The following SGPP1 variants were observed in gnomAD, a reference collection of about 807,000 sequenced individuals.
SGPP1 encodes the protein hSPP1.
Under a neutral mutation model 33.0 loss-of-function variants are expected in SGPP1, and 21 were observed. That is an observed-to-expected ratio of 0.64 (90% CI 0.45 to 0.92). The LOEUF is 0.92. Ranked by LOEUF, SGPP1 falls within the 40% of genes least tolerant of loss-of-function variation. The pLI, the probability that SGPP1 is intolerant of heterozygous loss-of-function variation, is 0.00. For synonymous variants in SGPP1, 239 were observed against 241.2 expected (o/e 0.99, Z 0.08); for missense variants, 543 against 589.4 (o/e 0.92, Z 0.81).
At chr14:63,691,705 G>C (rs945192345) in intron 2 of SGPP1, among the ~76,000 whole-genome samples, 3 of 152,116 alleles carry the variant, frequency 2.0e-5, no homozygotes, top group African/African-American at 4.8e-5. Flanking sequence ...AGTGGGGGTA[G>C]GGCATCAGTA....
At chr14:63,688,967 C>T (rs187551440) in intron 2 of SGPP1, among the ~76,000 whole-genome samples, 83 of 152,204 alleles carry the variant, frequency 5.5e-4, no homozygotes, top group East Asian at 1.9e-4. Context: ...GTGATCCTCC[C>T]GCCTCAGTCT....
intron 2 of SGPP1, among the ~76,000 whole-genome samples, chr14:63,693,248 A>T (rs1885122326): frequency 6.6e-6 from 1 of 152,236 alleles, no homozygotes. Context: ...TTCATATTTC[A>T]GAGCCCAAAT....
chr14:63,715,162 T>C (rs1885597479), intron 1 of SGPP1, among the ~76,000 whole-genome samples: 1 of 151,634 alleles, frequency 6.6e-6, no homozygotes, highest in Non-Finnish European at 1.5e-5. Flanking sequence ...TACAGGCGCC[T>C]GCCACCACGC....
chr14:63,691,867 ATAAG>A (rs1360589790), intron 2 of SGPP1, among the ~76,000 whole-genome samples: 1 of 152,222 alleles, frequency 6.6e-6, no homozygotes, highest in Non-Finnish European at 1.5e-5. Flanking sequence ...TGCATGAAAA[ATAAG>A]TAAGCAGGAA....
chr14:63,693,639 G>A (rs557044761), intron 2 of SGPP1, among the ~76,000 whole-genome samples: 1 of 151,976 alleles, frequency 6.6e-6, no homozygotes, highest in Non-Finnish European at 1.5e-5. Context: ...TTTTAGATAG[G>A]ATCTTGCTCT....
intron 1 of SGPP1, among the ~76,000 whole-genome samples, chr14:63,709,165 A>T (rs1885474653): frequency 6.6e-6 from 1 of 152,210 alleles, no homozygotes; most frequent in African/African-American, 2.4e-5. Context: ...ACCTGAGGTC[A>T]GGAGTTCGTG....
At position 63,688,315 on chromosome 14, in the gene SGPP1, C is replaced by CAA. The variant is rs71120275; in HGVS notation, c.775-1661_775-1660dup. Among the ~76,000 whole-genome samples, 127 of 31,310 alleles carry CAA rather than the reference C, an allele frequency of 4.1e-3. 2 individuals are homozygous for CAA. Among genetic ancestry groups the CAA allele is most frequent in the East Asian group, 7.4e-3 (7 of 946 alleles). 20.5% of individuals were successfully genotyped at this position (31,310 alleles called of 152,430 possible). A position where few individuals can be genotyped will look rare whatever the true frequency, so the allele number is the denominator to read the frequency against. On this transcript the variant is annotated intron_variant, in intron 2 of 2. Transcript: ENST00000247225. ...TGGGTGACAGAGCAAGACTCTGTCT[C>CAA]AAAAAAAAAAAAAAAAAAAAAAAAA...
intron 2 of SGPP1, among the ~76,000 whole-genome samples, chr14:63,690,167 G>C (rs1001191457): frequency 5.9e-5 from 9 of 152,266 alleles, no homozygotes; most frequent in Non-Finnish European, 1.3e-4. Context: ...AGCCTCCTGA[G>C]TAACTGGGAC....
intron 1 of SGPP1, among the ~76,000 whole-genome samples, chr14:63,699,226 G>T (rs759107810): frequency 6.6e-6 from 1 of 152,236 alleles, no homozygotes; most frequent in South Asian, 2.1e-4. Flanking sequence ...AAAAATTTCC[G>T]TGGAATACTA....
intron 1 of SGPP1, among the ~76,000 whole-genome samples, chr14:63,710,455 A>T (rs1566822854): frequency 6.6e-6 from 1 of 152,236 alleles, no homozygotes; most frequent in Admixed American, 6.5e-5. Context: ...GGAACTCCAA[A>T]CATGTAAATA....
At chr14:63,717,528 T>C (rs1272880516) in intron 1 of SGPP1, among the ~76,000 whole-genome samples, 1 of 152,106 alleles carries the variant, frequency 6.6e-6, no homozygotes, top group East Asian at 1.9e-4. Context: ...TTCACCATGT[T>C]AGCCAGAATG....
chr14:63,727,074 G>A (rs984773372), intron 1 of SGPP1, among the ~76,000 whole-genome samples, 187 bp downstream of exon 1: 4 of 152,212 alleles, frequency 2.6e-5, no homozygotes, highest in Non-Finnish European at 5.9e-5. Flanking sequence ...CAACGGCTAA[G>A]TATCCAGTTT....
At chr14:63,719,733 C>CTATA (rs1566537145) in intron 1 of SGPP1, among the ~76,000 whole-genome samples, 1 of 134,192 alleles carries the variant, frequency 7.5e-6, no homozygotes, top group African/African-American at 3.3e-5. Context: ...CTCCCTCTCT[C>CTATA]TCTCTATATA....
chr14:63,722,104 C>A lies in SGPP1; in HGVS notation c.684+5157G>T, dbSNP rs1372955462. 6.6e-5 allele frequency among the ~76,000 whole-genome samples: 10 copies of A among 152,186 alleles called. 1 individual carries two copies. Among genetic ancestry groups the A allele is most frequent in the Admixed American group, 5.2e-4 (8 of 15,262 alleles). The stretch of plus-strand genomic sequence containing the variant: ...ACTTTGCTTAAGTTACATAATATAA[C>A]CTCCCTGTACCTCAGTTTCCTCATC... On this transcript the variant is annotated intron_variant, in intron 1 of 2. Coordinates refer to ENST00000247225, the MANE Select transcript of SGPP1 (RefSeq NM_030791.4).
chr14:63,705,218 G>C (rs1885384069), intron 1 of SGPP1, among the ~76,000 whole-genome samples: 1 of 148,430 alleles, frequency 6.7e-6, no homozygotes, highest in Non-Finnish European at 1.5e-5. Flanking sequence ...ATGGGAGAAA[G>C]TATTTGCAAA....
chr14:63,727,267 G>C lies in SGPP1; in HGVS notation c.678C>G (p.Arg226=), dbSNP rs749004503. The C allele has an allele frequency of 6.2e-7, 1 of 1,608,104 alleles. No individual in the cohort carries two copies. Among genetic ancestry groups the C allele is most frequent in the Non-Finnish European group, 8.5e-7 (1 of 1,175,978 alleles). ...PISMVLLTYG[R]WQYPLIYGLI... is the part of the protein sequence containing the mutation. ...GGACGAGAAGGAACCCTACCTGCCA[G>C]CGGCCATAGGTGAGGAGGACCATAG... Residue 226 remains arginine (R), a synonymous_variant, in exon 1 of 3, where the codon CGC becomes CGG. Coordinates refer to ENST00000247225, the MANE Select transcript of SGPP1 (RefSeq NM_030791.4).
At chr14:63,688,242 G>A (rs748569324) in intron 2 of SGPP1, among the ~76,000 whole-genome samples, 1 of 150,704 alleles carries the variant, frequency 6.6e-6, no homozygotes, top group Non-Finnish European at 1.5e-5. Context: ...CCTGAACCCG[G>A]GAGGCCGAGG....
At chr14:63,696,650 AAAT>A (rs1199150862) in intron 2 of SGPP1, among the ~76,000 whole-genome samples, 3 of 152,334 alleles carry the variant, frequency 2.0e-5, no homozygotes, top group Middle Eastern at 3.4e-3. Context: ...TATTAAATAC[AAAT>A]AATTATAAAA....
chr14:63,725,871 T>C (rs981620419), intron 1 of SGPP1, among the ~76,000 whole-genome samples: 18 of 152,198 alleles, frequency 1.2e-4, no homozygotes, highest in Admixed American at 3.3e-4. Context: ...AGAAACATCA[T>C]CAGCTAACAT....
Sources: allele counts gnomAD v4.1 joint callset (sites outside exome capture counted in the v4.1 genomes callset), GRCh38; gene constraint gnomAD v4.1.1; transcripts MANE v1.5; gene names NCBI Gene and HGNC (gene_info 2026-07-23, HGNC 2026-07-21).